The following PTPN14 variants were observed in gnomAD, a reference collection of about 807,000 sequenced individuals.
The protein encoded by PTPN14 is tyrosine-protein phosphatase non-receptor type 14.
A neutral mutation model predicts 126.8 loss-of-function variants in PTPN14; 53 were observed. The ratio of observed to expected loss-of-function variants is 0.42; its 90% CI spans 0.34 to 0.53. The LOEUF (loss-of-function observed/expected upper bound fraction) is 0.53. Among genes scored for constraint, PTPN14 ranks in the 20% least tolerant of loss-of-function variants. The pLI is 0.08. For missense variants in PTPN14, 1,257 were observed against 1,552.9 expected (o/e 0.81, Z 3.20); for synonymous variants, 630 against 599.3 (o/e 1.05, Z -0.75).
At chr1:214,389,320 G>A (rs1483808410) in intron 11 of PTPN14, among the ~76,000 whole-genome samples, 1 of 152,206 alleles carries the variant, frequency 6.6e-6, no homozygotes, top group Non-Finnish European at 1.5e-5. Context: ...ATTGTCAAAG[G>A]ACAATAATAG....
chr1:214,529,013 G>A (rs1308427888), intron 1 of PTPN14: 1 of 152,040 alleles, frequency 6.6e-6, no homozygotes, highest in Non-Finnish European at 1.5e-5. Flanking sequence ...TGTAAGTCAA[G>A]AAGATGGGGC....
At position 214,498,227 on chromosome 1, in the gene PTPN14, C is replaced by T. The variant is rs142474499; in HGVS notation, c.-154-33270G>A. Among the ~76,000 whole-genome samples the T allele has an allele frequency of 5.5e-3, 835 of 152,214 alleles. 22 individuals are homozygous for T. Among genetic ancestry groups the T allele is most frequent in the Admixed American group, 0.037 (564 of 15,290 alleles). Reference sequence around the variant, plus strand: ...ACAGGGCAAAGCCAAGAGTTAAGCTCCTCCTTGCTCTTTCCCTTCTAACGC... The same window carrying T: ...ACAGGGCAAAGCCAAGAGTTAAGCTTCTCCTTGCTCTTTCCCTTCTAACGC... On this transcript the variant is annotated intron_variant, in intron 1 of 18. Coordinates refer to ENST00000366956, the MANE Select transcript of PTPN14 (RefSeq NM_005401.5).
chr1:214,436,786 CAAAAAAAAA>C (rs1159209240), intron 3 of PTPN14, among the ~76,000 whole-genome samples: 1 of 46,646 alleles, frequency 2.1e-5, no homozygotes, highest in African/African-American at 7.7e-5. Flanking sequence ...GACTCCGTCT[CAAAAAAAAA>C]AAAAAAAAAA....
intron 1 of PTPN14, among the ~76,000 whole-genome samples, chr1:214,469,640 C>A (rs1415558997): frequency 6.6e-6 from 1 of 151,646 alleles, no homozygotes; most frequent in Non-Finnish European, 1.5e-5. Context: ...AAGTATAGAG[C>A]CCTCATTATA....
chr1:214,491,000 G>GAAA (rs1311538853), intron 1 of PTPN14, among the ~76,000 whole-genome samples: 5 of 120,190 alleles, frequency 4.2e-5, no homozygotes, highest in African/African-American at 6.5e-5. Context: ...GGGAAGGAAA[G>GAAA]GAAAGAAAGG....
At chr1:214,527,793 G>T (rs1004464318) in intron 1 of PTPN14, among the ~76,000 whole-genome samples, 2 of 152,190 alleles carry the variant, frequency 1.3e-5, no homozygotes, top group African/African-American at 4.8e-5. Flanking sequence ...TGAACTTGCA[G>T]CCTATCAGCC....
At chr1:214,425,161 T>C (rs1301446088) in intron 3 of PTPN14, among the ~76,000 whole-genome samples, 1 of 152,130 alleles carries the variant, frequency 6.6e-6, no homozygotes, top group East Asian at 1.9e-4. Flanking sequence ...GAACCACCTC[T>C]CTCTATTCTA....
chr1:214,383,823 C>T lies in PTPN14; in HGVS notation c.2032G>A (p.Glu678Lys), dbSNP rs759897774. 1.1e-5 allele frequency: 17 copies of T among 1,612,376 alleles called. No individual in the cohort carries two copies. The highest frequency in any genetic ancestry group is 4.4e-5 in the South Asian group (4 of 91,092). Residue 678 changes from glutamate to lysine, a missense_variant, in exon 13 of 19, where the codon GAG (glutamate) becomes AAG (lysine). Transcript: ENST00000366956. The surrounding 1 kb of genome is among the most constrained non-coding windows in gnomAD (Gnocchi z 4.4). ...ACCTCGTGGCTGCCTGACCCCTCCT[C>T]GGGCGGTCCCTGCTCCCGGAGCGTG... ...RNTLREQGPP[E>K]EGSGSHEVPQ... is the part of the protein sequence containing the mutation.
At chr1:214,430,495 T>C (rs1454095017) in intron 3 of PTPN14, among the ~76,000 whole-genome samples, 1 of 152,228 alleles carries the variant, frequency 6.6e-6, no homozygotes, top group Non-Finnish European at 1.5e-5. Flanking sequence ...CAGTAGACTT[T>C]GAGTAAAGCA....
At chr1:214,492,758 A>C (rs999363264) in intron 1 of PTPN14, among the ~76,000 whole-genome samples, 1 of 152,116 alleles carries the variant, frequency 6.6e-6, no homozygotes, top group African/African-American at 2.4e-5. Context: ...AGATACAAAA[A>C]TTAGCTGGGG....
rs1329598193 is a variant in PTPN14, at chr1:214,382,519, A to G, written c.2544+792T>C. Among the ~76,000 whole-genome samples, 16 of 152,074 alleles carry G rather than the reference A, an allele frequency of 1.1e-4. 1 individual carries two copies. In the South Asian group the frequency reaches 3.3e-3, roughly 32 times the overall value. On this transcript the variant is annotated intron_variant, in intron 13 of 18. Transcript: ENST00000366956. ...TTTTTATTATTATTTTATTTTAGAG[A>G]TAAGATCTCATTATACTGCCCAGGC...
chr1:214,411,048 T>C (rs1659297225), intron 5 of PTPN14, among the ~76,000 whole-genome samples: 1 of 152,210 alleles, frequency 6.6e-6, no homozygotes, highest in Non-Finnish European at 1.5e-5. Context: ...GCAGACATTT[T>C]AACAATATTG....
At chr1:214,451,428 A>G (rs1050457433) in intron 3 of PTPN14, among the ~76,000 whole-genome samples, 44 of 152,084 alleles carry the variant, frequency 2.9e-4, no homozygotes, top group African/African-American at 9.9e-4. Flanking sequence ...TCAGCTTCCC[A>G]AAGTGTTGAT....
chr1:214,400,017 T>C (rs970213333), intron 7 of PTPN14, among the ~76,000 whole-genome samples: 1 of 144,138 alleles, frequency 6.9e-6, no homozygotes, highest in Non-Finnish European at 1.5e-5. Flanking sequence ...TTCTTCTTCC[T>C]GTACAACATC....
chr1:214,461,387 C>T (rs1235706081), intron 2 of PTPN14, among the ~76,000 whole-genome samples: 1 of 152,158 alleles, frequency 6.6e-6, no homozygotes, highest in African/African-American at 2.4e-5. Flanking sequence ...AATCCCAGCA[C>T]TTTGGGAGGC....
Position 214,383,806 on chromosome 1 carries a change from G to A in PTPN14, c.2049C>T (p.Ser683=). 1 of 1,612,678 alleles carries A rather than the reference G, an allele frequency of 6.2e-7. No individual in the cohort carries two copies. ...EQGPPEEGSG[S]HEVPQLPQYH... ...ACTGAGGGAGCTGGGGGACCTCGTG[G>A]CTGCCTGACCCCTCCTCGGGCGGTC... Residue 683 remains serine, a synonymous_variant, in exon 13 of 19, where the codon AGC becomes AGT. Coordinates refer to ENST00000366956, the MANE Select transcript of PTPN14 (RefSeq NM_005401.5). The surrounding 1 kb of genome is among the most constrained non-coding windows in gnomAD (Gnocchi z 4.4).
In PTPN14 at chr1:214,401,709, A is replaced by G. The variant is rs758039830; in HGVS notation, c.645T>C (p.Phe215=). Reference sequence around the variant, plus strand: ...CCTTTACAGGGAAGATTTCCTGTCCAAATCCATCCAAACGTTCAACTTCAT... The same window carrying G: ...CCTTTACAGGGAAGATTTCCTGTCCGAATCCATCCAAACGTTCAACTTCAT... ...YINEVERLDG[F]GQEIFPVKDN... is the part of the protein sequence containing the mutation. Residue 215 remains phenylalanine (F), a synonymous_variant, in exon 7 of 19, where the codon TTT becomes TTC. Transcript: ENST00000366956. 6.3e-7 allele frequency: 1 copy of G among 1,590,438 alleles called. No individual in the cohort carries two copies. The highest frequency in any genetic ancestry group is 8.6e-7 in the Non-Finnish European group (1 of 1,159,248).
chr1:214,483,451 C>T (rs2102678520), intron 1 of PTPN14: 1 of 1,060,940 alleles, frequency 9.4e-7, no homozygotes, highest in South Asian at 1.3e-5. Flanking sequence ...ACAAGCCTCG[C>T]CTAGTAATCT....
intron 1 of PTPN14, among the ~76,000 whole-genome samples, chr1:214,493,006 T>C (rs1052429553): frequency 6.6e-6 from 1 of 152,080 alleles, no homozygotes; most frequent in South Asian, 2.1e-4. Flanking sequence ...GCTTTATTTA[T>C]GTCTAGCAGG....
Sources: allele counts gnomAD v4.1 joint callset (sites outside exome capture counted in the v4.1 genomes callset), GRCh38; gene constraint gnomAD v4.1.1; non-coding constraint Gnocchi (gnomAD v3.1); transcripts MANE v1.5; gene names NCBI Gene and HGNC (gene_info 2026-07-23, HGNC 2026-07-21).